The following ZNF503 variants were observed in gnomAD, a reference collection of about 807,000 sequenced individuals.
The protein encoded by ZNF503 is zinc finger protein 503, also known as NocA-like zinc finger 2.
ZNF503 carries 15 observed loss-of-function variants against 34.4 expected under a neutral mutation model. The ratio of observed to expected loss-of-function variants is 0.44; its 90% CI spans 0.29 to 0.67. ZNF503 has a LOEUF of 0.67. ZNF503 is among the 30% of genes least tolerant of loss of function. The probability of loss-of-function intolerance (pLI) is 0.13; values close to 1 mark genes in which losing one functional copy is unlikely to be tolerated. For synonymous variants in ZNF503, 580 were observed against 456.8 expected, an observed-to-expected ratio of 1.27 and a Z score of -3.44; for missense variants, 1,007 against 926.8, an observed-to-expected ratio of 1.09 and a Z score of -1.12.
rs1843722294 is a variant in ZNF503, at chr10:75,398,023, TTTC to T, written c.*723_*725del. The T allele has an allele frequency of 8.7e-5, 13 of 149,770 alleles. No homozygotes were observed. The South Asian group carries it at 2.3e-3, about 26-fold the overall frequency. The allele number at this position is 149,770 out of a possible 1,614,324, so 9.3% of individuals were successfully genotyped here. ...AGGTTTTGGAATAGAATTTTTTCTTTTTCTTTTTTTTTTTGTTGTTTTCTTCCA... is the reference window on the plus strand; with the variant it reads ...AGGTTTTGGAATAGAATTTTTTCTTTTTTTTTTTTTTGTTGTTTTCTTCCA... On this transcript the variant is annotated 3_prime_UTR_variant, in exon 2 of 2. Transcript: ENST00000372524.
chr10:75,284,587 G>A, the ZNF503 span, among the ~76,000 whole-genome samples: 1 of 152,158 alleles, frequency 6.6e-6, no homozygotes, highest in Non-Finnish European at 1.5e-5. Context: ...GTCAGGGCTT[G>A]GCCTGGGATT....
At position 75,399,288 on chromosome 10, in the gene ZNF503, G is replaced by A. The variant is rs777473460; in HGVS notation, c.1402C>T (p.Leu468=). 6.2e-6 allele frequency: 10 copies of A among 1,601,592 alleles called. No homozygotes were observed. Among genetic ancestry groups the A allele is most frequent in the African/African-American group, 1.3e-5 (1 of 74,698 alleles). The change falls in exon 2 of 2, where the codon CTG becomes TTG. Residue 468 remains leucine (L), a synonymous_variant. Coordinates refer to ENST00000372524, the MANE Select transcript of ZNF503 (RefSeq NM_032772.6). Reference sequence around the variant, plus strand: ...TGCAGCGGGTGCGTGGGGTACACCAGCGGGTATCCGGACTTCAGCGCCGCA... The same window carrying A: ...TGCAGCGGGTGCGTGGGGTACACCAACGGGTATCCGGACTTCAGCGCCGCA... ...AAAALKSGYP[L]VYPTHPLHGV...
At chr10:75,320,660 A>T in the ZNF503 span, among the ~76,000 whole-genome samples, 1 of 152,184 alleles carries the variant, frequency 6.6e-6, no homozygotes, top group African/African-American at 2.4e-5. Flanking sequence ...TCTAAAAAAA[A>T]TTAAAGAAAA....
At chr10:75,281,236 G>A in the ZNF503 span, among the ~76,000 whole-genome samples, 34 of 152,236 alleles carry the variant, frequency 2.2e-4, no homozygotes, top group African/African-American at 7.5e-4. Flanking sequence ...GTTTGCACCC[G>A]GAGGGGCCTG....
At chr10:75,280,555 CGTGTGTGT>C in the ZNF503 span, among the ~76,000 whole-genome samples, 1,921 of 146,608 alleles carry the variant, frequency 0.013, 21 homozygotes, top group Admixed American at 0.019. Context: ...GGTGTGTATG[CGTGTGTGT>C]GTGTGTGTGT....
At chr10:75,355,773 G>A in the ZNF503 span, among the ~76,000 whole-genome samples, 4 of 152,166 alleles carry the variant, frequency 2.6e-5, no homozygotes. Flanking sequence ...ATGTTTATAG[G>A]TTCTATGGGT....
the ZNF503 span, among the ~76,000 whole-genome samples, chr10:75,376,339 T>C: frequency 1.3e-5 from 2 of 152,266 alleles, no homozygotes; most frequent in South Asian, 4.2e-4. Flanking sequence ...TCCATTCTCA[T>C]GCTGCTATGA....
At chr10:75,286,980 T>C in the ZNF503 span, among the ~76,000 whole-genome samples, 1 of 152,170 alleles carries the variant, frequency 6.6e-6, no homozygotes, top group Non-Finnish European at 1.5e-5. Flanking sequence ...GATCCTGGTG[T>C]CTCATGTGCC....
At chr10:75,388,551 A>T in the ZNF503 span, among the ~76,000 whole-genome samples, 2 of 152,110 alleles carry the variant, frequency 1.3e-5, no homozygotes, top group African/African-American at 4.8e-5. Context: ...AGAATAATAG[A>T]CCCTGGAGCC....
the ZNF503 span, among the ~76,000 whole-genome samples, chr10:75,388,939 T>C: frequency 6.6e-6 from 1 of 152,228 alleles, no homozygotes; most frequent in Admixed American, 6.5e-5. Flanking sequence ...GTTTCCCACA[T>C]TAAGCATGTG....
At chr10:75,345,380 T>C in the ZNF503 span, among the ~76,000 whole-genome samples, 55 of 152,056 alleles carry the variant, frequency 3.6e-4, no homozygotes, top group African/African-American at 1.3e-3. Context: ...CTCACACCTG[T>C]AATCCCAGCA....
Position 75,400,960 on chromosome 10 carries a change from A to G in ZNF503, c.315+145T>C, listed in dbSNP as rs1843794792. On this transcript the variant is annotated intron_variant, in intron 1 of 1. Transcript: ENST00000372524. ...CTCCCCCTTTTCCGCCCTAGTTTTG[A>G]GGTACGGAAGCAGTAGCCTCTTCCC... 5.8e-6 allele frequency: 7 copies of G among 1,201,750 alleles called. No individual in the cohort carries two copies. In the South Asian group the frequency reaches 9.9e-5, roughly 17 times the overall value. The allele number at this position is 1,201,750 out of a possible 1,614,324, so 74.4% of individuals were successfully genotyped here.
At chr10:75,386,101 C>G in the ZNF503 span, among the ~76,000 whole-genome samples, 3 of 152,214 alleles carry the variant, frequency 2.0e-5, no homozygotes, top group African/African-American at 7.2e-5. Flanking sequence ...CATGGAACAA[C>G]GAGAGACTAG....
At chr10:75,343,043 G>T in the ZNF503 span, among the ~76,000 whole-genome samples, 3 of 152,220 alleles carry the variant, frequency 2.0e-5, no homozygotes, top group African/African-American at 4.8e-5. Flanking sequence ...CCCAAGGACT[G>T]GGTAAGAGTG....
chr10:75,317,264 CTTTTTTTTTTTTTT>C, the ZNF503 span, among the ~76,000 whole-genome samples: 6 of 74,724 alleles, frequency 8.0e-5, no homozygotes, highest in Admixed American at 7.2e-4. Context: ...CATCCCACGT[CTTTTTTTTTTTTTT>C]TTTTTTTTTT....
chr10:75,400,318 C>T lies in ZNF503; in HGVS notation c.372G>A (p.Gly124=). 2 of 1,612,678 alleles carry T rather than the reference C, an allele frequency of 1.2e-6. No homozygotes were observed. The highest frequency in any genetic ancestry group is 2.2e-5 in the South Asian group (2 of 90,998). The change falls in exon 2 of 2, where the codon GGG becomes GGA. Residue 124 remains glycine (G), a synonymous_variant. Coordinates refer to ENST00000372524, the MANE Select transcript of ZNF503 (RefSeq NM_032772.6). ...TGGAGGAGGGCGAGGGGTCGGGCTT[C>T]CCGATCTGCGAACATGTTTGCGCCA... The part of the protein sequence containing the change: ...ALLAQTCSQI[G]KPDPSPSSKL...
At chr10:75,342,669 G>T in the ZNF503 span, among the ~76,000 whole-genome samples, 3 of 148,244 alleles carry the variant, frequency 2.0e-5, no homozygotes, top group South Asian at 2.3e-4. Context: ...GTGGTGGGGC[G>T]GGGGGAGGGG....
downstream of ZNF503, among the ~76,000 whole-genome samples, chr10:75,395,573 GGA>G (rs1478238015): frequency 1.3e-5 from 2 of 152,142 alleles, no homozygotes; most frequent in Admixed American, 6.5e-5. The surrounding 1 kb of genome is among the most constrained non-coding windows in gnomAD (Gnocchi z 4.4). Flanking sequence ...GGAAAAAGCT[GGA>G]GAGAGTCGGG....
At chr10:75,388,571 A>G in the ZNF503 span, among the ~76,000 whole-genome samples, 3 of 152,324 alleles carry the variant, frequency 2.0e-5, no homozygotes, top group South Asian at 2.1e-4. Flanking sequence ...CTCATACACT[A>G]TAACAAATCC....
Sources: gnomAD v4.1 joint callset for allele counts (sites outside exome capture counted in the v4.1 genomes callset) on GRCh38, gnomAD v4.1.1 for gene constraint, Gnocchi (gnomAD v3.1) non-coding constraint, MANE v1.5 for transcripts, NCBI Gene and HGNC (gene_info 2026-07-23, HGNC 2026-07-21) for gene names.